The following NELL1 variants were observed in gnomAD, a reference collection of about 807,000 sequenced individuals.
The protein encoded by NELL1 is neural EGFL like 1.
NELL1 carries 76 observed loss-of-function variants against 107.4 expected under a neutral mutation model. The observed-to-expected ratio is 0.71, with a 90% CI of 0.59 to 0.86. NELL1 has a LOEUF of 0.86. NELL1 is among the 40% of genes least tolerant of loss of function. The probability of loss-of-function intolerance (pLI) is 0.00; values close to 1 mark genes in which losing one functional copy is unlikely to be tolerated. For synonymous variants in NELL1, 353 were observed against 341.2 expected (o/e 1.03, Z -0.38); for missense variants, 1,024 against 1,005.5 (o/e 1.02, Z -0.25).
intron 4 of NELL1, among the ~76,000 whole-genome samples, chr11:20,871,117 C>T (rs925754247): frequency 6.6e-6 from 1 of 152,166 alleles, no homozygotes; most frequent in African/African-American, 2.4e-5. Flanking sequence ...GAAGTAGCTA[C>T]CATTATTCAG....
chr11:21,103,838 G>A (rs1376283792), intron 12 of NELL1, among the ~76,000 whole-genome samples: 1 of 152,150 alleles, frequency 6.6e-6, no homozygotes, highest in Admixed American at 6.5e-5. Context: ...TCCTTCCCCA[G>A]TCTCTTTCAA....
intron 3 of NELL1, among the ~76,000 whole-genome samples, chr11:20,813,417 G>A (rs1461154204): frequency 6.6e-6 from 1 of 152,054 alleles, no homozygotes; most frequent in Non-Finnish European, 1.5e-5. Flanking sequence ...AGCAGAATTG[G>A]CCCTGTAGAA....
chr11:21,062,391 G>A (rs779846127), intron 12 of NELL1, among the ~76,000 whole-genome samples: 2 of 152,178 alleles, frequency 1.3e-5, no homozygotes, highest in African/African-American at 4.8e-5. Context: ...TGATCTAGAA[G>A]TATGAGAAGA....
At chr11:20,755,548 T>TATTTTTTTTATTTTTTTTA (rs1420797185) in intron 2 of NELL1, among the ~76,000 whole-genome samples, 2 of 40,746 alleles carry the variant, frequency 4.9e-5, no homozygotes, top group African/African-American at 1.8e-4. Flanking sequence ...TTGTTTTTTT[T>TATTTTTTTTATTTTTTTTA]TGTTTTTGTT....
chr11:21,449,575 T>A (rs1279389035), intron 15 of NELL1, among the ~76,000 whole-genome samples: 1 of 152,210 alleles, frequency 6.6e-6, no homozygotes, highest in Non-Finnish European at 1.5e-5. Flanking sequence ...AAGCTATTTT[T>A]ATTCTTTTAT....
At chr11:21,175,297 T>G (rs1303759741) in intron 13 of NELL1, among the ~76,000 whole-genome samples, 1 of 151,824 alleles carries the variant, frequency 6.6e-6, no homozygotes, top group Non-Finnish European at 1.5e-5. Context: ...GAATTTTCAA[T>G]TCTAACCATT....
intron 13 of NELL1, among the ~76,000 whole-genome samples, chr11:21,140,787 C>T (rs879654667): frequency 6.6e-6 from 1 of 152,120 alleles, no homozygotes; most frequent in Admixed American, 6.6e-5. Context: ...GGAAATTAAT[C>T]GTCATCTAGC....
intron 14 of NELL1, among the ~76,000 whole-genome samples, chr11:21,327,252 G>A (rs1220077696): frequency 4.0e-5 from 6 of 149,908 alleles, no homozygotes; most frequent in Non-Finnish European, 7.4e-5. Flanking sequence ...GTTAAATGAC[G>A]AGTTACTGGG....
intron 5 of NELL1, among the ~76,000 whole-genome samples, chr11:20,887,037 C>T (rs543661055): frequency 6.6e-6 from 1 of 152,272 alleles, no homozygotes; most frequent in African/African-American, 2.4e-5. Flanking sequence ...TTAGCAACCA[C>T]TGGTCTGTTT....
intron 14 of NELL1, among the ~76,000 whole-genome samples, chr11:21,265,967 C>T (rs893994596): frequency 1.3e-5 from 2 of 151,952 alleles, no homozygotes; most frequent in Non-Finnish European, 1.5e-5. Flanking sequence ...TTCAGCCAAA[C>T]AGGAATGCTT....
chr11:21,333,012 A>G (rs1027768215), intron 14 of NELL1, among the ~76,000 whole-genome samples: 4 of 152,072 alleles, frequency 2.6e-5, no homozygotes, highest in African/African-American at 9.7e-5. Context: ...AGTGCATATC[A>G]CAGGAAAGTG....
chr11:21,327,966 C>A (rs1280222919), intron 14 of NELL1, among the ~76,000 whole-genome samples: 1 of 151,980 alleles, frequency 6.6e-6, no homozygotes, highest in Non-Finnish European at 1.5e-5. Flanking sequence ...CAAGAGGAAG[C>A]AGAGCATAAA....
At chr11:21,376,903 T>C (rs1851494067) in intron 15 of NELL1, among the ~76,000 whole-genome samples, 1 of 152,160 alleles carries the variant, frequency 6.6e-6, no homozygotes, top group South Asian at 2.1e-4. Flanking sequence ...TTTTCTATCC[T>C]GAAACTTTAC....
chr11:21,395,504 T>C (rs979620139), intron 15 of NELL1, among the ~76,000 whole-genome samples: 7 of 151,510 alleles, frequency 4.6e-5, no homozygotes, highest in African/African-American at 1.2e-4. Context: ...CCTGTTTTGG[T>C]CCCTGGGGCA....
chr11:21,084,878 C>T (rs559655953), intron 12 of NELL1, among the ~76,000 whole-genome samples: 29 of 152,092 alleles, frequency 1.9e-4, no homozygotes, highest in Non-Finnish European at 3.4e-4. Context: ...AATGGTTAAG[C>T]GCACATCCTC....
At chr11:21,142,219 T>C (rs1467613537) in intron 13 of NELL1, among the ~76,000 whole-genome samples, 2 of 152,208 alleles carry the variant, frequency 1.3e-5, no homozygotes, top group African/African-American at 4.8e-5. Flanking sequence ...AATTTCCTGT[T>C]AGGATGAGCC....
chr11:21,160,612 C>T (rs1019997357), intron 13 of NELL1, among the ~76,000 whole-genome samples: 8 of 152,112 alleles, frequency 5.3e-5, no homozygotes, highest in Admixed American at 5.2e-4. Flanking sequence ...GTAATCATAA[C>T]ATTTGAAATT....
chr11:20,815,063 GT>G (rs1261576453), intron 3 of NELL1, among the ~76,000 whole-genome samples: 2 of 151,834 alleles, frequency 1.3e-5, no homozygotes, highest in African/African-American at 4.8e-5. Context: ...TCTGCTTTTT[GT>G]TTGTTTGTTT....
At chr11:20,748,635 A>C (rs901561813) in intron 2 of NELL1, among the ~76,000 whole-genome samples, 14 of 152,084 alleles carry the variant, frequency 9.2e-5, no homozygotes, top group African/African-American at 2.9e-4. Flanking sequence ...CTTATCTCTC[A>C]CTTATAAGTA....
Sources: gnomAD v4.1 joint callset for allele counts (sites outside exome capture counted in the v4.1 genomes callset) on GRCh38, gnomAD v4.1.1 for gene constraint, MANE v1.5 for transcripts, NCBI Gene and HGNC (gene_info 2026-07-23, HGNC 2026-07-21) for gene names.